Variants in DNAJC7 observed in about 807,000 individuals in gnomAD.
DNAJC7 encodes the protein dnaJ homolog subfamily C member 7.
A neutral mutation model predicts 67.4 loss-of-function variants in DNAJC7; 18 were observed. The ratio of observed to expected loss-of-function variants is 0.27; its 90% CI spans 0.18 to 0.40. DNAJC7 has a LOEUF of 0.40. Ranked by LOEUF, DNAJC7 falls within the 10% of genes least tolerant of loss-of-function variation. The probability of loss-of-function intolerance (pLI) is 1.00; values close to 1 mark genes in which losing one functional copy is unlikely to be tolerated. For synonymous variants in DNAJC7, 220 were observed against 207.8 expected, an observed-to-expected ratio of 1.06 and a Z score of -0.50; for missense variants, 419 against 613.8, an observed-to-expected ratio of 0.68 and a Z score of 3.35.
intron 1 of DNAJC7, among the ~76,000 whole-genome samples, chr17:42,007,336 CCAGT>C (rs1310291876): frequency 2.0e-5 from 3 of 151,894 alleles, no homozygotes; most frequent in Non-Finnish European, 4.4e-5. Flanking sequence ...GGGATCTTGG[CCAGT>C]CAGAGTAGAA....
chr17:42,010,811 T>A (rs1168416487), intron 1 of DNAJC7, among the ~76,000 whole-genome samples: 1 of 152,148 alleles, frequency 6.6e-6, no homozygotes, highest in Non-Finnish European at 1.5e-5. Context: ...AAATTGTAAG[T>A]CACATGCCAA....
At chr17:41,997,599 AAAAC>A (rs1480095638) in intron 2 of DNAJC7, among the ~76,000 whole-genome samples, 1 of 152,128 alleles carries the variant, frequency 6.6e-6, no homozygotes, top group African/African-American at 2.4e-5. Flanking sequence ...CCTGTCTCAA[AAAAC>A]AAACAAACAA....
chr17:41,993,008 T>C (rs1246911703), intron 5 of DNAJC7, among the ~76,000 whole-genome samples: 1 of 152,130 alleles, frequency 6.6e-6, no homozygotes, highest in African/African-American at 2.4e-5. Flanking sequence ...ACTTATGAAT[T>C]ACATTACAAA....
In DNAJC7 at chr17:41,989,071, C is replaced by G. The variant is rs532320959; in HGVS notation, c.754-175G>C. Among the ~76,000 whole-genome samples, 3 of 152,286 alleles carry G rather than the reference C, an allele frequency of 2.0e-5. No individual in the cohort carries two copies. In the South Asian group the frequency reaches 6.2e-4, roughly 32 times the overall value. ...TCATTTGAGCTTCCTACAGAGTGGA[C>G]AGGAAAAGAGTTACCAAAAATACCA... On this transcript the variant is annotated intron_variant, in intron 7 of 13. Transcript: ENST00000457167.
intron 1 of DNAJC7, among the ~76,000 whole-genome samples, chr17:42,008,370 T>C (rs1268875267): frequency 2.0e-5 from 3 of 151,538 alleles, no homozygotes; most frequent in East Asian, 2.0e-4. Flanking sequence ...AAGTTTCACA[T>C]AGATAAGTGG....
chr17:42,013,429 G>A (rs2143365122), intron 1 of DNAJC7: 1 of 152,350 alleles, frequency 6.6e-6, no homozygotes, highest in Non-Finnish European at 1.5e-5. Flanking sequence ...ATGGGACTGT[G>A]ACAACTTAGC....
At chr17:42,007,098 T>C (rs1386087752) in intron 1 of DNAJC7, among the ~76,000 whole-genome samples, 1 of 150,478 alleles carries the variant, frequency 6.6e-6, no homozygotes, top group Admixed American at 6.6e-5. Flanking sequence ...CAAGATCCTG[T>C]CTCAAAAAAA....
chr17:41,986,590 T>C (rs1326890863), intron 9 of DNAJC7, among the ~76,000 whole-genome samples: 1 of 150,008 alleles, frequency 6.7e-6, no homozygotes, highest in Non-Finnish European at 1.5e-5. Flanking sequence ...TTCATGTATA[T>C]AGCATTTTGC....
Position 41,976,575 on chromosome 17 carries a change from G to T in DNAJC7, c.*158C>A. The T allele has an allele frequency of 2.7e-5, 23 of 851,166 alleles. No homozygotes were observed. The highest frequency in any genetic ancestry group is 3.6e-5 in the South Asian group (2 of 56,166). The allele number at this position is 851,166 out of a possible 1,614,324, so 52.7% of individuals were successfully genotyped here. ...TCGGTCTTCGGCATTGGTTCCCTTT[G>T]CTCCACCCCACTCACAGAGACACAG... On this transcript the variant is annotated 3_prime_UTR_variant, in exon 14 of 14. Coordinates refer to ENST00000457167, the MANE Select transcript of DNAJC7 (RefSeq NM_003315.4).
chr17:41,994,171 A>G (rs1295800763), intron 5 of DNAJC7, among the ~76,000 whole-genome samples: 2 of 151,732 alleles, frequency 1.3e-5, no homozygotes, highest in African/African-American at 4.9e-5. Flanking sequence ...CCCCATCTCT[A>G]CTAAAAATAC....
rs184818687 is a variant in DNAJC7 at position 42,008,512 on chromosome 17, C to T, written c.78-7942G>A. On this transcript the variant is annotated intron_variant, in intron 1 of 13. Coordinates refer to ENST00000457167, the MANE Select transcript of DNAJC7 (RefSeq NM_003315.4). ...GCAAGCTCCGCCTCCTAGGTTCACG[C>T]CATTCTCCTGCCTCAGCCTCCCAAG... Among the ~76,000 whole-genome samples, 463 of 151,252 alleles carry T rather than the reference C, an allele frequency of 3.1e-3. 6 individuals carry two copies. The highest frequency in any genetic ancestry group is 0.011 in the African/African-American group (450 of 41,288).
intron 1 of DNAJC7, 59 bp downstream of exon 1, chr17:42,017,281 A>G: frequency 1.2e-6 from 2 of 1,607,088 alleles, no homozygotes; most frequent in Non-Finnish European, 1.7e-6. Flanking sequence ...GGCAGGAACG[A>G]GTTTCCCTGA....
At chr17:41,996,541 C>T (rs2051663740) in intron 3 of DNAJC7, 117 bp from the exon 4 acceptor site, 1 of 792,798 alleles carries the variant, frequency 1.3e-6, no homozygotes, top group Admixed American at 2.8e-5. Context: ...GTGACTCACA[C>T]CTGTAATCCC....
At chr17:41,983,514 C>A (rs1481506644) in intron 10 of DNAJC7, 49 bp downstream of exon 10, 1 of 1,484,996 alleles carries the variant, frequency 6.7e-7, no homozygotes, top group African/African-American at 1.4e-5. Flanking sequence ...AGATTTATGG[C>A]CTACGAAGTC....
At position 41,997,120 on chromosome 17, in the gene DNAJC7, C is replaced by A. The variant is rs1555648783; in HGVS notation, c.286G>T (p.Val96Phe). 4 of 1,613,908 alleles carry A rather than the reference C, an allele frequency of 2.5e-6. No individual in the cohort carries two copies. The highest frequency in any genetic ancestry group is 3.4e-6 in the Non-Finnish European group (4 of 1,179,822). The stretch of plus-strand genomic sequence containing the variant: ...CAGCCCCATTACATACATACCCGGA[C>A]AAAACTGTCATCCAACCTCACTGAC... Reference protein sequence around the residue: ...QQSVRLDDSFVRGHLREGKCH... With the variant: ...QQSVRLDDSFFRGHLREGKCH... The change falls in exon 3 of 14, where the codon GTC becomes TTC. Residue 96 changes from valine (V) to phenylalanine (F), a missense_variant. Physicochemically the swap from Val to Phe is conservative, Grantham distance 50 (BLOSUM62 -1). This residue lies in a region of DNAJC7 where 179 missense variants were observed against 249.7 expected (regional missense o/e 0.72). Coordinates refer to ENST00000457167, the MANE Select transcript of DNAJC7 (RefSeq NM_003315.4).
At position 41,997,051 on chromosome 17, in the gene DNAJC7, C is replaced by T. The variant is rs77240880; in HGVS notation, c.291+64G>A. On this transcript the variant is annotated intron_variant, in intron 3 of 13. Transcript: ENST00000457167. ...TCAGTAGTGTCAAGGTTGAGAAATA[C>T]GGGGCTAGAGAAACTCAACTGTAGC... The T allele has an allele frequency of 1.2e-5, 20 of 1,605,252 alleles. No homozygotes were observed. In the East Asian group the frequency reaches 1.8e-4, roughly 14 times the overall value.
At position 41,989,396 on chromosome 17, in the gene DNAJC7, G is replaced by A; in HGVS notation, c.753+8C>T. ...CTTTCCCAGTTAGGTCTGGTGACTA[G>A]AACTTACTCTGCAGGCAATGCAGGC... On this transcript the variant is annotated splice_region_variant and intron_variant, in intron 7 of 13. Transcript: ENST00000457167. The A allele has an allele frequency of 1.9e-6, 3 of 1,613,642 alleles. No individual in the cohort carries two copies. Among genetic ancestry groups the A allele is most frequent in the South Asian group, 2.2e-5 (2 of 91,050 alleles).
Position 41,982,079 on chromosome 17 carries a change from T to C in DNAJC7, c.1232-72A>G, listed in dbSNP as rs1444068014. The C allele has an allele frequency of 3.8e-6, 6 of 1,584,546 alleles. No homozygotes were observed. The Admixed American group carries it at 9.5e-5, about 25-fold the overall frequency. On this transcript the variant is annotated intron_variant, in intron 11 of 13. Coordinates refer to ENST00000457167, the MANE Select transcript of DNAJC7 (RefSeq NM_003315.4). ...AGAAAACAAAGTTTAAGAGAAAAAC[T>C]ACTTTCTGTCTAATTTTGGAATTTG...
chr17:42,001,077 A>T (rs2051795216), intron 1 of DNAJC7: 1 of 152,624 alleles, frequency 6.6e-6, no homozygotes, highest in Admixed American at 6.5e-5. Context: ...CTGGAAGAAC[A>T]AGCAGAGCAA....
Sources: gnomAD v4.1 joint callset for allele counts (sites outside exome capture counted in the v4.1 genomes callset) on GRCh38, gnomAD v4.1.1 for gene constraint, gnomAD v4.1.1 regional missense constraint, MANE v1.5 for transcripts, NCBI Gene and HGNC (gene_info 2026-07-23, HGNC 2026-07-21) for gene names.